NSMCE2: variants seen among roughly 807,000 people sequenced by gnomAD.
NSMCE2 encodes E3 SUMO-protein ligase NSE2.
In NSMCE2, 24 loss-of-function variants were observed where a neutral mutation model predicts 23.8. The ratio of observed to expected loss-of-function variants is 1.01; its 90% CI spans 0.73 to 1.42. The LOEUF (loss-of-function observed/expected upper bound fraction) is 1.42, where lower values mean the gene tolerates loss of function less well. Among genes scored for constraint, NSMCE2 ranks in the 40% most tolerant of loss-of-function variants. NSMCE2 has a pLI of 0.00. For synonymous variants in NSMCE2, 92 were observed against 94.1 expected (o/e 0.98, Z 0.13); for missense variants, 284 against 296.5 (o/e 0.96, Z 0.31).
chr8:125,096,845 G>A (rs1167433395), intron 1 of NSMCE2, among the ~76,000 whole-genome samples: 1 of 151,684 alleles, frequency 6.6e-6, no homozygotes, highest in Non-Finnish European at 1.5e-5. Flanking sequence ...TCCTGACCTC[G>A]AGTGATCAAC....
At chr8:125,276,517 A>G (rs548889532) in intron 5 of NSMCE2, among the ~76,000 whole-genome samples, 1 of 151,514 alleles carries the variant, frequency 6.6e-6, no homozygotes, top group African/African-American at 2.4e-5. Flanking sequence ...ATTGTAGAAT[A>G]ATTAATAATG....
chr8:125,244,833 C>T (rs1418102857), intron 5 of NSMCE2, among the ~76,000 whole-genome samples: 1 of 152,052 alleles, frequency 6.6e-6, no homozygotes, highest in African/African-American at 2.4e-5. Context: ...AGTAAATGAA[C>T]ATTCGCACAC....
At chr8:125,238,662 A>G (rs1825652016) in intron 5 of NSMCE2, among the ~76,000 whole-genome samples, 1 of 152,176 alleles carries the variant, frequency 6.6e-6, no homozygotes, top group African/African-American at 2.4e-5. Flanking sequence ...ATTTGTTGGG[A>G]ATTTACCCAC....
intron 5 of NSMCE2, among the ~76,000 whole-genome samples, chr8:125,199,844 A>C (rs1258423897): frequency 6.6e-6 from 1 of 151,654 alleles, no homozygotes; most frequent in Non-Finnish European, 1.5e-5. Flanking sequence ...GACTTGCTTT[A>C]TGAATCTGGG....
chr8:125,204,267 A>C (rs1016670194), intron 5 of NSMCE2, among the ~76,000 whole-genome samples: 1 of 152,212 alleles, frequency 6.6e-6, no homozygotes, highest in African/African-American at 2.4e-5. Context: ...GGCAACAACT[A>C]CACTCTTAAG....
intron 5 of NSMCE2, among the ~76,000 whole-genome samples, chr8:125,304,467 C>A (rs535648803): frequency 6.6e-6 from 1 of 152,054 alleles, no homozygotes; most frequent in Non-Finnish European, 1.5e-5. Context: ...GGCAAGGAAA[C>A]GAGACAGCAA....
intron 5 of NSMCE2, among the ~76,000 whole-genome samples, chr8:125,314,006 T>A (rs1341156683): frequency 6.6e-6 from 1 of 152,144 alleles, no homozygotes; most frequent in African/African-American, 2.4e-5. Flanking sequence ...TTATTTAGAA[T>A]AATGGAAAGT....
intron 3 of NSMCE2, among the ~76,000 whole-genome samples, chr8:125,144,414 C>T (rs1820554173): frequency 6.6e-6 from 1 of 152,216 alleles, no homozygotes; most frequent in East Asian, 1.9e-4. Context: ...CTCCTATCTG[C>T]TGTTGCTTTT....
intron 5 of NSMCE2, among the ~76,000 whole-genome samples, chr8:125,227,712 T>A (rs1350389111): frequency 6.6e-6 from 1 of 152,194 alleles, no homozygotes; most frequent in East Asian, 1.9e-4. Context: ...ACTATAAAAA[T>A]GTGTATATTG....
At chr8:125,131,434 C>T (rs1398359015) in intron 3 of NSMCE2, among the ~76,000 whole-genome samples, 3 of 152,156 alleles carry the variant, frequency 2.0e-5, no homozygotes, top group Non-Finnish European at 4.4e-5. Flanking sequence ...AACAAAACTT[C>T]AGTAGGCAAG....
chr8:125,177,641 G>A (rs888010401), intron 4 of NSMCE2, among the ~76,000 whole-genome samples: 2 of 152,188 alleles, frequency 1.3e-5, no homozygotes, highest in East Asian at 1.9e-4. Flanking sequence ...TAATTCCAGC[G>A]CTGTGTGCAG....
intron 4 of NSMCE2, among the ~76,000 whole-genome samples, chr8:125,153,143 C>A (rs996726330): frequency 6.7e-6 from 1 of 149,488 alleles, no homozygotes; most frequent in Non-Finnish European, 1.5e-5. Flanking sequence ...TTTAAAACTT[C>A]TCACTCTTTC....
At chr8:125,303,985 A>G (rs1763901463) in intron 5 of NSMCE2, among the ~76,000 whole-genome samples, 1 of 152,244 alleles carries the variant, frequency 6.6e-6, no homozygotes, top group Non-Finnish European at 1.5e-5. Context: ...CCTTTCTAAG[A>G]AATTGTCAAA....
chr8:125,138,610 T>A (rs1820194039), intron 3 of NSMCE2, among the ~76,000 whole-genome samples: 2 of 152,184 alleles, frequency 1.3e-5, no homozygotes, highest in South Asian at 4.1e-4. Flanking sequence ...ATAGTCTTCG[T>A]TGTTTAACTT....
intron 3 of NSMCE2, among the ~76,000 whole-genome samples, chr8:125,132,362 A>G (rs1330804035): frequency 6.6e-6 from 1 of 152,220 alleles, no homozygotes; most frequent in Non-Finnish European, 1.5e-5. Context: ...TTGGGATTAC[A>G]GGCATGAGCC....
At chr8:125,168,209 A>T (rs1209917041) in intron 4 of NSMCE2, among the ~76,000 whole-genome samples, 2 of 152,202 alleles carry the variant, frequency 1.3e-5, no homozygotes, top group African/African-American at 4.8e-5. Flanking sequence ...ATTGTAGTGA[A>T]TGGCAGCGAA....
At chr8:125,098,794 G>T (rs1380840750) in intron 1 of NSMCE2, among the ~76,000 whole-genome samples, 1 of 152,048 alleles carries the variant, frequency 6.6e-6, no homozygotes, top group Non-Finnish European at 1.5e-5. Context: ...AGTAGGTTTG[G>T]GGGAGGGGTA....
intron 5 of NSMCE2, among the ~76,000 whole-genome samples, chr8:125,300,497 A>G (rs1828517446): frequency 2.0e-5 from 3 of 152,204 alleles, no homozygotes; most frequent in Non-Finnish European, 2.9e-5. Context: ...TCTAAGCCAT[A>G]TCAAATGTGA....
intron 5 of NSMCE2, among the ~76,000 whole-genome samples, chr8:125,278,116 T>C (rs1418660482): frequency 6.6e-6 from 1 of 152,202 alleles, no homozygotes; most frequent in East Asian, 1.9e-4. Flanking sequence ...TAATTGATTA[T>C]AGTTAAATGA....
Sources: gnomAD v4.1 joint callset for allele counts (sites outside exome capture counted in the v4.1 genomes callset) on GRCh38, gnomAD v4.1.1 for gene constraint, MANE v1.5 for transcripts, NCBI Gene and HGNC (gene_info 2026-07-23, HGNC 2026-07-21) for gene names.